LRBA: variants seen among roughly 807,000 people sequenced by gnomAD.
LRBA encodes LPS responsive beige-like anchor protein.
A neutral mutation model predicts 330.0 loss-of-function variants in LRBA; 176 were observed. The observed-to-expected ratio is 0.53, with a 90% CI of 0.47 to 0.60. The LOEUF (loss-of-function observed/expected upper bound fraction) is 0.60, where lower values mean the gene tolerates loss of function less well. LRBA is among the 20% of genes least tolerant of loss of function. The probability of loss-of-function intolerance (pLI) is 0.00; values close to 1 mark genes in which losing one functional copy is unlikely to be tolerated. For missense variants in LRBA, 3,259 were observed against 3,444.8 expected, an observed-to-expected ratio of 0.95 and a Z score of 1.35; for synonymous variants, 1,230 against 1,193.0, an observed-to-expected ratio of 1.03 and a Z score of -0.64.
intron 2 of LRBA, among the ~76,000 whole-genome samples, chr4:150,954,460 C>A (rs1471677756): frequency 6.6e-6 from 1 of 152,056 alleles, no homozygotes; most frequent in East Asian, 1.9e-4. Flanking sequence ...TAATCTATAA[C>A]CTTACCCCCA....
At chr4:150,644,234 A>G (rs1376345729) in intron 37 of LRBA, among the ~76,000 whole-genome samples, 1 of 151,962 alleles carries the variant, frequency 6.6e-6, no homozygotes, top group Admixed American at 6.6e-5. Context: ...AATACACATC[A>G]ATATTACCAA....
At chr4:150,341,272 A>C (rs1301832070) in intron 48 of LRBA, among the ~76,000 whole-genome samples, 1 of 152,090 alleles carries the variant, frequency 6.6e-6, no homozygotes, top group Admixed American at 6.6e-5. Flanking sequence ...AACAATTCTC[A>C]TTCCTCAGCC....
intron 36 of LRBA, among the ~76,000 whole-genome samples, chr4:150,727,757 A>G (rs1729898045): frequency 6.6e-6 from 1 of 151,818 alleles, no homozygotes; most frequent in Admixed American, 6.6e-5. Context: ...GCCCGTGTCA[A>G]AAAAAAAGAA....
intron 30 of LRBA, among the ~76,000 whole-genome samples, chr4:150,827,896 C>T (rs1746503456): frequency 6.6e-6 from 1 of 152,126 alleles, no homozygotes; most frequent in African/African-American, 2.4e-5. Flanking sequence ...GCCACTGCAC[C>T]TGGCCTTCCT....
chr4:150,303,032 T>C (rs1174977914), intron 52 of LRBA, among the ~76,000 whole-genome samples: 1 of 152,204 alleles, frequency 6.6e-6, no homozygotes, highest in African/African-American at 2.4e-5. Context: ...CAACAAATAA[T>C]ACTTGAGGAC....
intron 40 of LRBA, among the ~76,000 whole-genome samples, chr4:150,575,129 T>G (rs1770382876): frequency 6.6e-6 from 1 of 151,972 alleles, no homozygotes; most frequent in South Asian, 2.1e-4. Context: ...AACCTTGATA[T>G]CCATAGGCCA....
At chr4:151,012,685 A>T (rs1280859557) in intron 2 of LRBA, 2 of 152,202 alleles carry the variant, frequency 1.3e-5, no homozygotes, top group African/African-American at 4.8e-5. Context: ...ACATTTCCAT[A>T]ATATGCAGTT....
At position 150,339,348 on chromosome 4, in the gene LRBA, T is replaced by C. The variant is rs377565050; in HGVS notation, c.7362+10644A>G. Among the ~76,000 whole-genome samples the C allele has an allele frequency of 1.3e-4, 20 of 152,128 alleles. 1 individual carries two copies. The highest frequency in any genetic ancestry group is 2.9e-4 in the African/African-American group (12 of 41,442). Reference sequence around the variant, plus strand: ...ATAGACGGTCAGTACCCTAACAACATTGAATGTTGAGAAAGAACATGGCCA... The same window carrying C: ...ATAGACGGTCAGTACCCTAACAACACTGAATGTTGAGAAAGAACATGGCCA... On this transcript the variant is annotated intron_variant, in intron 48 of 56. Transcript: ENST00000651943.
intron 2 of LRBA, 25 bp from the exon 3 acceptor site, chr4:150,929,090 A>G (rs1734187555): frequency 1.4e-6 from 2 of 1,433,232 alleles, no homozygotes; most frequent in Non-Finnish European, 2.0e-6. Context: ...AAAAAAACAC[A>G]TTAAAAGCAT....
intron 42 of LRBA, among the ~76,000 whole-genome samples, chr4:150,479,615 G>A (rs577403374): frequency 3.9e-5 from 6 of 152,268 alleles, no homozygotes; most frequent in African/African-American, 1.4e-4. Flanking sequence ...TCCTCGAGAG[G>A]TGGAGCTTAA....
intron 34 of LRBA, among the ~76,000 whole-genome samples, chr4:150,796,759 T>C (rs948342194): frequency 5.3e-5 from 8 of 151,938 alleles, no homozygotes; most frequent in African/African-American, 1.9e-4. Context: ...GAAATAATTA[T>C]ATCACTATGA....
intron 54 of LRBA, among the ~76,000 whole-genome samples, chr4:150,283,418 A>T (rs1476331152): frequency 1.3e-5 from 2 of 152,198 alleles, no homozygotes; most frequent in Non-Finnish European, 2.9e-5. Context: ...AAGGCAAAGA[A>T]GGAATAAGGA....
chr4:150,726,533 A>C lies in LRBA; in HGVS notation c.5754+8725T>G, dbSNP rs564189976. Among the ~76,000 whole-genome samples the C allele has an allele frequency of 3.9e-5, 6 of 152,326 alleles. No homozygotes were observed. The South Asian group carries it at 1.2e-3, about 32-fold the overall frequency. ...AGACTGGGTAATTTATAAAGGAAAGAGGTTTAATTGACTCACAGATCCATG... is the reference window on the plus strand; with the variant it reads ...AGACTGGGTAATTTATAAAGGAAAGCGGTTTAATTGACTCACAGATCCATG... On this transcript the variant is annotated intron_variant, in intron 36 of 56. Coordinates refer to ENST00000651943, the MANE Select transcript of LRBA (RefSeq NM_001364905.1).
intron 40 of LRBA, among the ~76,000 whole-genome samples, chr4:150,563,194 A>G (rs1210903525): frequency 2.0e-5 from 3 of 152,182 alleles, no homozygotes; most frequent in African/African-American, 7.2e-5. Context: ...TTAGCATCAC[A>G]TAATCACAAG....
intron 19 of LRBA, 123 bp downstream of exon 19, chr4:150,871,222 G>A: frequency 1.9e-6 from 1 of 535,536 alleles, no homozygotes; most frequent in East Asian, 3.2e-5. Context: ...CAGCCTGGGT[G>A]ACAGAGTGAG....
At chr4:150,473,085 A>G (rs924792695) in intron 42 of LRBA, among the ~76,000 whole-genome samples, 66 of 152,178 alleles carry the variant, frequency 4.3e-4, no homozygotes, top group African/African-American at 1.5e-3. Flanking sequence ...CTATACCACT[A>G]TATGTTCCAA....
At chr4:150,834,626 C>T (rs972599984) in intron 28 of LRBA, among the ~76,000 whole-genome samples, 8 of 152,144 alleles carry the variant, frequency 5.3e-5, no homozygotes, top group African/African-American at 1.9e-4. Context: ...TTATAGAGCA[C>T]AGGCAGAGTA....
chr4:150,654,702 C>T (rs1221060618), intron 37 of LRBA, among the ~76,000 whole-genome samples: 1 of 152,126 alleles, frequency 6.6e-6, no homozygotes, highest in Non-Finnish European at 1.5e-5. Context: ...CCTCCCCCTA[C>T]CCAACAACAG....
At chr4:150,346,757 C>CCAAAAAAAAAAAAAAAAAAAAAAAAAAA (rs1206950764) in intron 48 of LRBA, among the ~76,000 whole-genome samples, 2 of 66,152 alleles carry the variant, frequency 3.0e-5, no homozygotes, top group African/African-American at 1.6e-4. Context: ...GACTCTGTCT[C>CCAAAAAAAAAAAAAAAAAAAAAAAAAAA]AAAAAAAAAA....
Sources: allele counts gnomAD v4.1 joint callset (sites outside exome capture counted in the v4.1 genomes callset), GRCh38; gene constraint gnomAD v4.1.1; transcripts MANE v1.5; gene names NCBI Gene and HGNC (gene_info 2026-07-23, HGNC 2026-07-21).